SFMBT2: variants seen among roughly 807,000 people sequenced by gnomAD.
The protein encoded by SFMBT2 is scm-like with four MBT domains protein 2.
Under a neutral mutation model 110.1 loss-of-function variants are expected in SFMBT2, and 38 were observed. The observed-to-expected ratio is 0.35, with a 90% confidence interval of 0.27 to 0.45. The LOEUF (loss-of-function observed/expected upper bound fraction) is 0.45, where lower values mean the gene tolerates loss of function less well. SFMBT2 is among the 20% of genes least tolerant of loss of function. The pLI is 1.00. For synonymous variants in SFMBT2, 425 were observed against 425.4 expected (o/e 1.00, Z 0.01); for missense variants, 1,011 against 1,094.9 (o/e 0.92, Z 1.08).
intron 4 of SFMBT2, among the ~76,000 whole-genome samples, chr10:7,361,955 A>G (rs1035083769): frequency 1.3e-5 from 2 of 152,174 alleles, no homozygotes; most frequent in Non-Finnish European, 2.9e-5. Flanking sequence ...TCAATAAATA[A>G]CAATGAAGTC....
At chr10:7,393,764 A>T (rs551382663) in intron 1 of SFMBT2, among the ~76,000 whole-genome samples, 3 of 152,292 alleles carry the variant, frequency 2.0e-5, no homozygotes, top group African/African-American at 7.2e-5. Context: ...ACACGGTGGA[A>T]GGGGCATGCC....
In SFMBT2 at chr10:7,172,439, C is replaced by T. The variant is rs878895801; in HGVS notation, c.2151+56G>A. ...TCTGCTGTGAAGCAGCCACACTTGC[C>T]GGCCAGGGCCAGATGACAGAGCTAC... On this transcript the variant is annotated intron_variant, in intron 18 of 20. Transcript: ENST00000397167. This position sits in a 1 kb window ranked among gnomAD's most constrained non-coding sequence, Gnocchi z 4.6. 33 of 1,609,806 alleles carry T rather than the reference C, an allele frequency of 2.0e-5. 2 individuals are homozygous for T. The South Asian group carries it at 2.8e-4, about 13-fold the overall frequency.
intron 9 of SFMBT2, among the ~76,000 whole-genome samples, chr10:7,230,217 C>A (rs1227950021): frequency 6.6e-6 from 1 of 152,062 alleles, no homozygotes; most frequent in Non-Finnish European, 1.5e-5. Context: ...AGAGGTTCTT[C>A]GAGTTCTTCC....
chr10:7,254,553 G>A (rs907751651), intron 7 of SFMBT2, among the ~76,000 whole-genome samples: 1 of 152,190 alleles, frequency 6.6e-6, no homozygotes, highest in African/African-American at 2.4e-5. Context: ...CAGGCGCGGT[G>A]GCTCACATCT....
intron 16 of SFMBT2, among the ~76,000 whole-genome samples, chr10:7,182,901 A>T (rs1838285800): frequency 6.6e-6 from 1 of 152,110 alleles, no homozygotes; most frequent in African/African-American, 2.4e-5. Flanking sequence ...ACCACCAAAA[A>T]GCATGAGATA....
intron 4 of SFMBT2, among the ~76,000 whole-genome samples, chr10:7,308,100 G>A (rs1016146195): frequency 6.6e-6 from 1 of 152,186 alleles, no homozygotes; most frequent in Admixed American, 6.5e-5. Flanking sequence ...CGTGCCTATA[G>A]TGCCTGAGAC....
intron 13 of SFMBT2, among the ~76,000 whole-genome samples, chr10:7,201,479 G>A (rs141529647): frequency 4.1e-4 from 63 of 152,266 alleles, no homozygotes; most frequent in Non-Finnish European, 7.6e-4. Flanking sequence ...GGCGGATAAC[G>A]TGGAGTCTGG....
At chr10:7,355,291 TTTTAA>T (rs2132022124) in intron 4 of SFMBT2, among the ~76,000 whole-genome samples, 2 of 152,194 alleles carry the variant, frequency 1.3e-5, no homozygotes, top group South Asian at 4.1e-4. Flanking sequence ...ATATCAAACA[TTTTAA>T]TTTAAAATAT....
At chr10:7,245,971 A>G (rs1156748654) in intron 8 of SFMBT2, among the ~76,000 whole-genome samples, 2 of 152,184 alleles carry the variant, frequency 1.3e-5, no homozygotes, top group East Asian at 1.9e-4. Context: ...TACTTTCCTC[A>G]TATTTAAAGA....
intron 4 of SFMBT2, among the ~76,000 whole-genome samples, chr10:7,317,479 T>C (rs549239308): frequency 9.9e-5 from 15 of 151,780 alleles, no homozygotes; most frequent in South Asian, 2.1e-4. Flanking sequence ...CCATCTCTAC[T>C]GAAAATACAA....
intron 11 of SFMBT2, among the ~76,000 whole-genome samples, chr10:7,213,368 C>T (rs112150778): frequency 2.0e-5 from 3 of 152,132 alleles, no homozygotes; most frequent in East Asian, 3.9e-4. Flanking sequence ...AGGTAGGAGG[C>T]GGCTGAAATC....
intron 20 of SFMBT2, among the ~76,000 whole-genome samples, chr10:7,165,667 A>C (rs181954459): frequency 6.6e-6 from 1 of 152,354 alleles, no homozygotes; most frequent in African/African-American, 2.4e-5. Flanking sequence ...ACCAAGACCA[A>C]AGGTGACCTT....
At chr10:7,284,688 C>T (rs1183903029) in intron 5 of SFMBT2, 1 of 245,468 alleles carries the variant, frequency 4.1e-6, no homozygotes, top group Non-Finnish European at 6.6e-6. Flanking sequence ...AATGACATGT[C>T]TAACACACAG....
intron 10 of SFMBT2, among the ~76,000 whole-genome samples, chr10:7,223,663 T>G (rs1240235758): frequency 6.6e-6 from 1 of 152,208 alleles, no homozygotes; most frequent in Non-Finnish European, 1.5e-5. Context: ...GTTCTAGAAT[T>G]TCTCTTTTTT....
At chr10:7,336,703 G>A (rs1843725801) in intron 4 of SFMBT2, among the ~76,000 whole-genome samples, 1 of 152,150 alleles carries the variant, frequency 6.6e-6, no homozygotes, top group Non-Finnish European at 1.5e-5. Context: ...TCCGGATAGT[G>A]AATGACTAGG....
intron 9 of SFMBT2, among the ~76,000 whole-genome samples, chr10:7,236,399 T>C (rs1246935742): frequency 2.6e-5 from 4 of 152,136 alleles, no homozygotes; most frequent in Non-Finnish European, 5.9e-5. Flanking sequence ...CAAGACTATA[T>C]TATTATAAAG....
At chr10:7,311,673 GA>G (rs1270038639) in intron 4 of SFMBT2, among the ~76,000 whole-genome samples, 5 of 152,282 alleles carry the variant, frequency 3.3e-5, no homozygotes, top group African/African-American at 1.2e-4. Flanking sequence ...TTGGTAATAA[GA>G]AATAGATTTC....
intron 20 of SFMBT2, among the ~76,000 whole-genome samples, chr10:7,168,557 A>C (rs147287996): frequency 6.6e-5 from 10 of 152,276 alleles, no homozygotes; most frequent in Non-Finnish European, 1.0e-4. Flanking sequence ...GTGCAACCAA[A>C]CCTGCGTGAT....
intron 7 of SFMBT2, among the ~76,000 whole-genome samples, chr10:7,270,310 C>A (rs562116153): frequency 2.5e-4 from 38 of 152,152 alleles, no homozygotes; most frequent in African/African-American, 8.7e-4. Flanking sequence ...GTGGTCCTGC[C>A]GACACCCTGA....
Sources: gnomAD v4.1 joint callset for allele counts (sites outside exome capture counted in the v4.1 genomes callset) on GRCh38, gnomAD v4.1.1 for gene constraint, Gnocchi (gnomAD v3.1) non-coding constraint, MANE v1.5 for transcripts, NCBI Gene and HGNC (gene_info 2026-07-23, HGNC 2026-07-21) for gene names.